ZSCAN4: variants seen among roughly 807,000 people sequenced by gnomAD.
The protein encoded by ZSCAN4 is zinc finger and SCAN domain-containing protein 4.
Under a neutral mutation model 18.3 loss-of-function variants are expected in ZSCAN4, and 18 were observed. The observed-to-expected ratio is 0.98, with a 90% CI of 0.68 to 1.46. The LOEUF is 1.46. ZSCAN4 is among the 40% of genes most tolerant of loss of function. The probability of loss-of-function intolerance (pLI) is 0.00; values close to 1 mark genes in which losing one functional copy is unlikely to be tolerated. For synonymous variants in ZSCAN4, 193 were observed against 180.3 expected (o/e 1.07, Z -0.57); for missense variants, 498 against 511.4 (o/e 0.97, Z 0.25).
intron 1 of ZSCAN4, among the ~76,000 whole-genome samples, chr19:57,669,995 C>G (rs1568657810): frequency 6.6e-6 from 1 of 152,092 alleles, no homozygotes; most frequent in Non-Finnish European, 1.5e-5. Flanking sequence ...CTCTGCCTCC[C>G]AGGTTCAAGT....
At chr19:57,674,887 T>G (rs1305831836) in intron 2 of ZSCAN4, among the ~76,000 whole-genome samples, 1 of 152,002 alleles carries the variant, frequency 6.6e-6, no homozygotes, top group Admixed American at 6.6e-5. Context: ...ATAGAGATGA[T>G]AGCTCAAGCA....
intron 2 of ZSCAN4, among the ~76,000 whole-genome samples, chr19:57,675,170 C>T (rs1186611611): frequency 3.4e-5 from 4 of 116,690 alleles, no homozygotes; most frequent in African/African-American, 3.4e-5. Flanking sequence ...TTTTTTGAGA[C>T]GGAGTCTTGC....
At chr19:57,669,569 G>T (rs1983954711) in intron 1 of ZSCAN4, among the ~76,000 whole-genome samples, 1 of 152,014 alleles carries the variant, frequency 6.6e-6, no homozygotes, top group African/African-American at 2.4e-5. Flanking sequence ...TGGGACTACA[G>T]GCACGCGCCA....
chr19:57,672,970 C>A (rs1279601279), intron 2 of ZSCAN4, among the ~76,000 whole-genome samples: 2 of 152,070 alleles, frequency 1.3e-5, no homozygotes, highest in African/African-American at 4.8e-5. Flanking sequence ...AGCCACCATG[C>A]CGTACATCAG....
At position 57,676,352 on chromosome 19, in the gene ZSCAN4, T is replaced by C. The variant is rs749966220; in HGVS notation, c.207T>C (p.Phe69=). 5.0e-6 allele frequency: 8 copies of C among 1,614,082 alleles called. No homozygotes were observed. The South Asian group carries it at 8.8e-5, about 18-fold the overall frequency. ...AATTGCAAAGACTTTATAGGATCTT[T>C]CACTCATGGCTGCAACCAGAAAAGC... is the stretch of plus-strand genomic sequence containing the variant. The change falls in exon 3 of 5, where the codon TTT becomes TTC. Residue 69 remains phenylalanine (F), a synonymous_variant. Transcript: ENST00000318203.
the ZSCAN4 span, among the ~76,000 whole-genome samples, chr19:57,653,627 G>A: frequency 2.0e-5 from 3 of 152,188 alleles, no homozygotes; most frequent in South Asian, 2.1e-4. Context: ...TTAACAATAG[G>A]GAGGAAGAAC....
the ZSCAN4 span, among the ~76,000 whole-genome samples, chr19:57,659,459 T>C: frequency 6.6e-6 from 1 of 152,178 alleles, no homozygotes; most frequent in Non-Finnish European, 1.5e-5. Flanking sequence ...TGATCACAGC[T>C]AACAGCAGCC....
exon 5 of ZSCAN4, chr19:57,678,252 G>C (rs1385470871): frequency 6.2e-7 from 1 of 1,614,164 alleles, no homozygotes; most frequent in Non-Finnish European, 8.5e-7. Flanking sequence ...CAATCAAATA[G>C]TTTCCCTAAT....
the ZSCAN4 span, among the ~76,000 whole-genome samples, chr19:57,658,833 CAAAAAA>C: frequency 1.3e-3 from 90 of 68,706 alleles, no homozygotes; most frequent in Non-Finnish European, 2.1e-3. Context: ...GACTGTGTCT[CAAAAAA>C]AAAAAAAAAA....
At chr19:57,678,371 G>T (rs147898967) in exon 5 of ZSCAN4, 360 of 1,614,148 alleles carry the variant, frequency 2.2e-4, no homozygotes, top group Middle Eastern at 1.5e-3. Context: ...CTCAGGAAGG[G>T]TCCATAAATG....
Position 57,673,118 on chromosome 19 carries a change from G to A in ZSCAN4, c.-106+2551G>A, listed in dbSNP as rs1984073038. On this transcript the variant is annotated intron_variant, in intron 2 of 4. Coordinates refer to ENST00000318203, the Ensembl canonical transcript of ZSCAN4. The stretch of plus-strand genomic sequence containing the variant: ...GGCTGGAGTGCAGTGGCACGATCTC[G>A]GCTCACTGCAACCTCCATCTCCTGG... 2.6e-5 allele frequency among the ~76,000 whole-genome samples: 4 copies of A among 151,534 alleles called. No individual in the cohort carries two copies. The South Asian group carries it at 6.3e-4, about 24-fold the overall frequency.
At chr19:57,664,422 C>T (rs1465693104), upstream of ZSCAN4, 1 of 152,156 alleles carries the variant, frequency 6.6e-6, no homozygotes, top group Admixed American at 6.5e-5. Context: ...CCGCCCAGGT[C>T]AGGGAATCCT....
At chr19:57,672,906 C>T (rs1984063983) in intron 2 of ZSCAN4, among the ~76,000 whole-genome samples, 1 of 151,964 alleles carries the variant, frequency 6.6e-6, no homozygotes, top group Admixed American at 6.6e-5. Flanking sequence ...TTTTTTATAT[C>T]ATGAGAACAC....
the ZSCAN4 span, among the ~76,000 whole-genome samples, chr19:57,656,432 C>T: frequency 6.6e-6 from 1 of 152,268 alleles, no homozygotes; most frequent in Non-Finnish European, 1.5e-5. Context: ...TCCACAACCA[C>T]TTCCATGCTG....
intron 2 of ZSCAN4, among the ~76,000 whole-genome samples, chr19:57,675,478 C>T (rs1252589635): frequency 6.6e-6 from 1 of 152,108 alleles, no homozygotes; most frequent in African/African-American, 2.4e-5. Flanking sequence ...GATGGTGCCT[C>T]ACCATGTTGG....
At chr19:57,665,493 A>G (rs1983828914), upstream of ZSCAN4, among the ~76,000 whole-genome samples, 1 of 152,028 alleles carries the variant, frequency 6.6e-6, no homozygotes, top group African/African-American at 2.4e-5. Flanking sequence ...AAATTTTAAT[A>G]CTTTTTTTTT....
exon 5 of ZSCAN4, chr19:57,678,967 T>G: frequency 6.8e-7 from 1 of 1,466,200 alleles, no homozygotes; most frequent in Non-Finnish European, 9.1e-7. Context: ...ATAGTATTTA[T>G]CTACTTAGGA....
At chr19:57,678,414 G>A (rs1984257221) in exon 5 of ZSCAN4, 1 of 1,613,952 alleles carries the variant, frequency 6.2e-7, no homozygotes, top group Non-Finnish European at 8.5e-7. Context: ...TATGGTGATG[G>A]GAGCAGGGTG....
chr19:57,665,772 CT>C (rs1983835714), upstream of ZSCAN4, among the ~76,000 whole-genome samples: 1 of 152,002 alleles, frequency 6.6e-6, no homozygotes, highest in Non-Finnish European at 1.5e-5. Flanking sequence ...ACAAAATAAG[CT>C]GGGCAGCCCA....
Sources: allele counts gnomAD v4.1 joint callset (sites outside exome capture counted in the v4.1 genomes callset), GRCh38; gene constraint gnomAD v4.1.1; transcripts MANE v1.5; gene names NCBI Gene and HGNC (gene_info 2026-07-23, HGNC 2026-07-21).